The following SDK2 variants were observed in gnomAD, a reference collection of about 807,000 sequenced individuals.
SDK2 encodes protein sidekick-2.
Under a neutral mutation model 253.9 loss-of-function variants are expected in SDK2, and 105 were observed. The observed-to-expected ratio is 0.41, with a 90% confidence interval of 0.35 to 0.49. The LOEUF (loss-of-function observed/expected upper bound fraction) is 0.49, where lower values mean the gene tolerates loss of function less well. SDK2 is among the 20% of genes least tolerant of loss of function. The pLI is 0.06. For missense variants in SDK2, 2,608 were observed against 3,003.0 expected (o/e 0.87, Z 3.07); for synonymous variants, 1,249 against 1,234.9 (o/e 1.01, Z -0.24).
At chr17:73,593,592 G>T (rs1307432902) in intron 1 of SDK2, among the ~76,000 whole-genome samples, 1 of 152,232 alleles carries the variant, frequency 6.6e-6, no homozygotes, top group Non-Finnish European at 1.5e-5. Context: ...GGAAGGAGCA[G>T]ATGGTACCTC....
intron 34 of SDK2, 115 bp downstream of exon 34, chr17:73,380,779 C>G: frequency 3.4e-6 from 3 of 889,128 alleles, no homozygotes; most frequent in Non-Finnish European, 5.5e-6. Flanking sequence ...GTTTCTTAAG[C>G]CCCCTGGGGT....
intron 9 of SDK2, 140 bp from the exon 10 acceptor site, chr17:73,433,988 A>G (rs1471926161): frequency 1.6e-6 from 1 of 618,056 alleles, no homozygotes; most frequent in African/African-American, 1.9e-5. Flanking sequence ...ACGAGGAAGG[A>G]TGTAGGCATC....
Position 73,335,441 on chromosome 17 carries a change from T to C in SDK2, c.*3146A>G, listed in dbSNP as rs186453432. The C allele has an allele frequency of 7.2e-5, 11 of 152,350 alleles. No individual in the cohort carries two copies. Among genetic ancestry groups the C allele is most frequent in the Non-Finnish European group, 1.3e-4 (9 of 68,054 alleles). 9.4% of individuals were successfully genotyped at this position (152,350 alleles called of 1,614,324 possible). ...TCACAGGCCAGAAAGGGTCCCACTC[T>C]TTCTACAAAGGGCAGGGCCCACCAC... On this transcript the variant is annotated 3_prime_UTR_variant, in exon 45 of 45. Coordinates refer to ENST00000392650, the MANE Select transcript of SDK2 (RefSeq NM_001144952.2).
chr17:73,568,736 A>G (rs1036235517), intron 1 of SDK2, among the ~76,000 whole-genome samples: 1 of 152,160 alleles, frequency 6.6e-6, no homozygotes, highest in Admixed American at 6.5e-5. Context: ...TTGGAGAAAG[A>G]CAAATTGAAG....
In SDK2 at chr17:73,528,739, A is replaced by G. The variant is rs572499863; in HGVS notation, c.65-21142T>C. Among the ~76,000 whole-genome samples the G allele has an allele frequency of 7.2e-5, 11 of 152,220 alleles. No homozygotes were observed. The East Asian group carries it at 9.7e-4, about 13-fold the overall frequency. ...GGTCACCATCCAGTACAGCAGATCA[A>G]TCTCTCTACGGCTCATCTGCTCCCA... On this transcript the variant is annotated intron_variant, in intron 1 of 44. Transcript: ENST00000392650.
intron 1 of SDK2, among the ~76,000 whole-genome samples, chr17:73,596,247 C>T (rs2045756887): frequency 1.3e-5 from 2 of 152,010 alleles, no homozygotes; most frequent in South Asian, 4.1e-4. Context: ...GAGGCAGTGG[C>T]GACCTCTATG....
At chr17:73,476,134 G>C (rs2063684523) in intron 2 of SDK2, among the ~76,000 whole-genome samples, 1 of 152,180 alleles carries the variant, frequency 6.6e-6, no homozygotes, top group African/African-American at 2.4e-5. Flanking sequence ...ATTTAAGTTT[G>C]TTGCAAAAAT....
Position 73,524,358 on chromosome 17 carries a change from G to A in SDK2, c.65-16761C>T, listed in dbSNP as rs893410844. On this transcript the variant is annotated intron_variant, in intron 1 of 44. Coordinates refer to ENST00000392650, the MANE Select transcript of SDK2 (RefSeq NM_001144952.2). ...GACCAACATGGCCCCCGCCCGCCCC[G>A]GCCATTCACCCTTCTTTTTCTGTTG... 4.6e-5 allele frequency among the ~76,000 whole-genome samples: 7 copies of A among 152,234 alleles called. No homozygotes were observed. In the South Asian group the frequency reaches 1.2e-3, roughly 27 times the overall value.
At chr17:73,356,610 G>A (rs1324237143) in intron 40 of SDK2, among the ~76,000 whole-genome samples, 1 of 152,172 alleles carries the variant, frequency 6.6e-6, no homozygotes, top group Non-Finnish European at 1.5e-5. Flanking sequence ...CAGGGGGCAT[G>A]GAGGGGAGAG....
chr17:73,424,986 G>A (rs1048968675), intron 12 of SDK2, among the ~76,000 whole-genome samples: 5 of 152,340 alleles, frequency 3.3e-5, no homozygotes, highest in South Asian at 2.1e-4. Context: ...TTGGGAGGCC[G>A]AGGTGGGTGT....
intron 40 of SDK2, chr17:73,357,646 C>T (rs936683205): frequency 3.4e-6 from 1 of 292,110 alleles, no homozygotes; most frequent in Non-Finnish European, 6.5e-6. Flanking sequence ...TCAGGCTTGA[C>T]AGGAGAGGCT....
chr17:73,561,635 A>G (rs1342853756), intron 1 of SDK2, among the ~76,000 whole-genome samples: 1 of 152,214 alleles, frequency 6.6e-6, no homozygotes, highest in Non-Finnish European at 1.5e-5. Context: ...GGTGGCCTCC[A>G]ATGGCTACAC....
intron 41 of SDK2, among the ~76,000 whole-genome samples, chr17:73,351,409 C>T (rs939386085): frequency 1.1e-4 from 16 of 152,140 alleles, no homozygotes; most frequent in African/African-American, 3.9e-4. Flanking sequence ...CGTTCCCGGC[C>T]CCTTTTCTTT....
chr17:73,489,149 T>C (rs1438341032), intron 2 of SDK2, among the ~76,000 whole-genome samples: 1 of 152,198 alleles, frequency 6.6e-6, no homozygotes, highest in Non-Finnish European at 1.5e-5. Flanking sequence ...TATCAGCAGC[T>C]GCTTGTGTTT....
chr17:73,445,221 C>G (rs1438103019), intron 5 of SDK2, among the ~76,000 whole-genome samples: 1 of 152,140 alleles, frequency 6.6e-6, no homozygotes, highest in African/African-American at 2.4e-5. Context: ...CATTAATATT[C>G]TTTACATTGA....
intron 37 of SDK2, 49 bp downstream of exon 37, chr17:73,368,358 C>G (rs768632941): frequency 1.5e-6 from 2 of 1,369,814 alleles, no homozygotes; most frequent in Non-Finnish European, 1.9e-6. Context: ...CCTCTTGCAA[C>G]CCCCCGTGGC....
At chr17:73,463,466 T>G (rs1374188978) in intron 3 of SDK2, among the ~76,000 whole-genome samples, 1 of 152,206 alleles carries the variant, frequency 6.6e-6, no homozygotes, top group African/African-American at 2.4e-5. Context: ...TAAACACTCC[T>G]GCACCTACCT....
At chr17:73,367,249 T>C (rs1401405459) in intron 37 of SDK2, among the ~76,000 whole-genome samples, 1 of 152,048 alleles carries the variant, frequency 6.6e-6, no homozygotes, top group Non-Finnish European at 1.5e-5. Context: ...CCTCAAATGA[T>C]CCACCCACCT....
At chr17:73,458,052 C>T (rs2145667314) in intron 3 of SDK2, among the ~76,000 whole-genome samples, 1 of 152,310 alleles carries the variant, frequency 6.6e-6, no homozygotes, top group Non-Finnish European at 1.5e-5. Context: ...GATCATGGCT[C>T]ACTGCAGCTT....
Sources: gnomAD v4.1 joint callset for allele counts (sites outside exome capture counted in the v4.1 genomes callset) on GRCh38, gnomAD v4.1.1 for gene constraint, MANE v1.5 for transcripts, NCBI Gene and HGNC (gene_info 2026-07-23, HGNC 2026-07-21) for gene names.